Variants in SLC12A1 observed in about 807,000 individuals in gnomAD.
SLC12A1 encodes solute carrier family 12 member 1.
In SLC12A1, 89 loss-of-function variants were observed where a neutral mutation model predicts 130.4. The ratio of observed to expected loss-of-function variants is 0.68; its 90% CI spans 0.58 to 0.81. The LOEUF is 0.81. SLC12A1 is among the 40% of genes least tolerant of loss of function. The pLI, the probability that SLC12A1 is intolerant of heterozygous loss-of-function variation, is 0.00. For synonymous variants in SLC12A1, 499 were observed against 460.0 expected (o/e 1.08, Z -1.09); for missense variants, 1,310 against 1,336.4 (o/e 0.98, Z 0.31).
At chr15:48,254,620 AAAAAAAAAAAC>A (rs2041684079) in intron 15 of SLC12A1, among the ~76,000 whole-genome samples, 1 of 135,660 alleles carries the variant, frequency 7.4e-6, no homozygotes, top group African/African-American at 3.2e-5. Context: ...AAAAAAAAAA[AAAAAAAAAAAC>A]CCAAAAAAGA....
intron 20 of SLC12A1, among the ~76,000 whole-genome samples, chr15:48,279,651 C>T (rs1012498238): frequency 2.6e-5 from 4 of 152,176 alleles, no homozygotes; most frequent in Non-Finnish European, 4.4e-5. Context: ...ATACTGCTCA[C>T]TTCCCAGAGG....
chr15:48,267,681 G>A lies in SLC12A1; in HGVS notation c.2275G>A (p.Gly759Ser). The change falls in exon 18 of 27, where the codon GGT (glycine) becomes AGT (serine). Residue 759 changes from glycine to serine, a missense_variant. Transcript: ENST00000380993. ...AAVAADCFRD[G>S]VRSLLQASGL... Reference sequence around the variant, plus strand: ...AGTGGCGGCAGACTGTTTCAGGGATGGTGTCCGAAGTCTTCTTCAGGTAAG... The same window carrying A: ...AGTGGCGGCAGACTGTTTCAGGGATAGTGTCCGAAGTCTTCTTCAGGTAAG... The A allele has an allele frequency of 6.2e-7, 1 of 1,613,384 alleles. No individual in the cohort carries two copies. Among genetic ancestry groups the A allele is most frequent in the South Asian group, 1.1e-5 (1 of 91,048 alleles).
chr15:48,291,705 C>G lies in SLC12A1; in HGVS notation c.2874-73C>G, dbSNP rs1357176632. On this transcript the variant is annotated intron_variant, in intron 23 of 26. Transcript: ENST00000380993. ...GACGTGATTGCTTTTGATATCTTAA[C>G]TCAAACAAAAAACTCTTTGATTGAA... The G allele has an allele frequency of 3.2e-6, 3 of 945,638 alleles. No homozygotes were observed. In the South Asian group the frequency reaches 4.4e-5, roughly 14 times the overall value. The allele number at this position is 945,638 out of a possible 1,614,324, so 58.6% of individuals were successfully genotyped here. A position where few individuals can be genotyped will look rare whatever the true frequency, so the allele number is the denominator to read the frequency against.
chr15:48,278,560 T>C (rs1350047901), intron 20 of SLC12A1, among the ~76,000 whole-genome samples: 1 of 152,162 alleles, frequency 6.6e-6, no homozygotes, highest in African/African-American at 2.4e-5. Flanking sequence ...ATGTGTTCCT[T>C]AAGACACCCA....
At chr15:48,249,357 A>C (rs571803709) in intron 13 of SLC12A1, among the ~76,000 whole-genome samples, 1 of 152,010 alleles carries the variant, frequency 6.6e-6, no homozygotes, top group Non-Finnish European at 1.5e-5. Flanking sequence ...TCGATTGTCT[A>C]TTTTCTGATT....
Position 48,230,504 on chromosome 15 carries a change from G to A in SLC12A1, c.975+1G>A, listed in dbSNP as rs770400317. 1.0e-5 allele frequency: 16 copies of A among 1,589,710 alleles called. No individual in the cohort carries two copies. The South Asian group carries it at 1.7e-4, about 17-fold the overall frequency. On this transcript the variant is annotated splice_donor_variant, in intron 7 of 26. Coordinates refer to ENST00000380993, the MANE Select transcript of SLC12A1 (RefSeq NM_000338.3). LOFTEE classifies it high-confidence loss of function. ...AGCTGGAATGGAATGGGAGGCAAAG[G>A]TAAATTTCTCAAAAATGATATTATC...
intron 14 of SLC12A1, among the ~76,000 whole-genome samples, chr15:48,251,371 C>T (rs1438077806): frequency 2.0e-5 from 3 of 151,666 alleles, no homozygotes; most frequent in African/African-American, 7.3e-5. Flanking sequence ...ATGGAGGGTC[C>T]TGAATGGCAT....
Position 48,260,382 on chromosome 15 carries a change from A to ACACC in SLC12A1, c.2154+1072_2154+1073insACCC, listed in dbSNP as rs768468962. 4.1e-3 allele frequency among the ~76,000 whole-genome samples: 579 copies of ACACC among 142,956 alleles called. 8 individuals are homozygous for ACACC. The Middle Eastern group carries it at 0.046, about 11-fold the overall frequency. 93.8% of individuals were successfully genotyped at this position (142,956 alleles called of 152,430 possible). On this transcript the variant is annotated intron_variant, in intron 17 of 26. Coordinates refer to ENST00000380993, the MANE Select transcript of SLC12A1 (RefSeq NM_000338.3). The stretch of plus-strand genomic sequence containing the variant: ...CACACACACACACACACACACACAC[A>ACACC]CCACTGAAAATTCTCAGCTATCAAT...
rs370736114 is a variant in SLC12A1 at position 48,235,008 on chromosome 15, C to T, written c.1215+4C>T. On this transcript the variant is annotated splice_donor_region_variant and intron_variant, in intron 9 of 26. Transcript: ENST00000380993. Reference sequence around the variant, plus strand: ...CAATATCTCAGGAGATTTGGAGGTACGTTGTTTGCTCTGCTTTGCAGTCCT... The same window carrying T: ...CAATATCTCAGGAGATTTGGAGGTATGTTGTTTGCTCTGCTTTGCAGTCCT... 3.8e-5 allele frequency: 61 copies of T among 1,613,414 alleles called. No homozygotes were observed. The highest frequency in any genetic ancestry group is 4.9e-5 in the Non-Finnish European group (58 of 1,179,782).
At position 48,283,050 on chromosome 15, in the gene SLC12A1, C is replaced by A. The variant is rs547519999; in HGVS notation, c.2486-2056C>A. On this transcript the variant is annotated intron_variant, in intron 20 of 26. Transcript: ENST00000380993. The stretch of plus-strand genomic sequence containing the variant: ...TAAAATGCAACACAGTCCCTGGCAC[C>A]CAAAGAGTGTGCAATAAATAGCAAT... 2.0e-5 allele frequency among the ~76,000 whole-genome samples: 3 copies of A among 152,148 alleles called. No individual in the cohort carries two copies. In the South Asian group the frequency reaches 6.2e-4, roughly 32 times the overall value.
intron 17 of SLC12A1, among the ~76,000 whole-genome samples, chr15:48,265,521 AG>A (rs2041823248): frequency 6.6e-6 from 1 of 152,202 alleles, no homozygotes; most frequent in Non-Finnish European, 1.5e-5. Context: ...AAGAAGGACT[AG>A]TGATTCAAAA....
intron 24 of SLC12A1, among the ~76,000 whole-genome samples, chr15:48,292,274 A>G (rs1464881839): frequency 1.3e-5 from 2 of 152,098 alleles, no homozygotes; most frequent in East Asian, 1.9e-4. Context: ...AATAGCTTGT[A>G]TCTTCTTGGC....
chr15:48,246,241 G>A (rs1048500816), intron 11 of SLC12A1, among the ~76,000 whole-genome samples: 1 of 152,126 alleles, frequency 6.6e-6, no homozygotes, highest in Non-Finnish European at 1.5e-5. Context: ...GTTAATGGCT[G>A]TAAAAAAGAC....
intron 20 of SLC12A1, among the ~76,000 whole-genome samples, chr15:48,284,166 AG>A (rs1186794244): frequency 6.6e-6 from 1 of 152,220 alleles, no homozygotes; most frequent in East Asian, 1.9e-4. Flanking sequence ...ACAGGCACCC[AG>A]AAACCTCAGC....
At chr15:48,282,794 G>C (rs1210638200) in intron 20 of SLC12A1, among the ~76,000 whole-genome samples, 1 of 152,006 alleles carries the variant, frequency 6.6e-6, no homozygotes, top group African/African-American at 2.4e-5. Flanking sequence ...AGAGTGTTTA[G>C]GTTTATCTGA....
At chr15:48,288,544 G>T (rs368103811) in intron 23 of SLC12A1, 28 bp downstream of exon 23, 1 of 1,044,228 alleles carries the variant, frequency 9.6e-7, no homozygotes, top group Non-Finnish European at 1.5e-6. Context: ...CACATGTTAG[G>T]TCATTTCAGA....
Position 48,274,772 on chromosome 15 carries a change from A to C in SLC12A1, c.2485+119A>C, listed in dbSNP as rs182022925. ...AAAACTCCTTGACAGTGGAGCTTAC[A>C]TTCTAGTGCTACTCGTAGTGCATAT... On this transcript the variant is annotated intron_variant, in intron 20 of 26. Transcript: ENST00000380993. 2.9e-3 allele frequency: 1,814 copies of C among 625,408 alleles called. 40 individuals are homozygous for C. Among genetic ancestry groups the C allele is most frequent in the Non-Finnish European group, 4.0e-4 (142 of 355,748 alleles). 38.7% of individuals were successfully genotyped at this position (625,408 alleles called of 1,614,324 possible).
intron 16 of SLC12A1, among the ~76,000 whole-genome samples, chr15:48,258,636 T>C (rs944580928): frequency 7.2e-5 from 11 of 152,216 alleles, no homozygotes; most frequent in Admixed American, 7.2e-4. Context: ...GCCTGTTATA[T>C]CCAGTTCCAA....
intron 9 of SLC12A1, among the ~76,000 whole-genome samples, chr15:48,236,146 G>A (rs2141041916): frequency 6.6e-6 from 1 of 150,674 alleles, no homozygotes; most frequent in African/African-American, 2.4e-5. Flanking sequence ...CAAAGTAGAA[G>A]ACACAGGTTT....
Sources: gnomAD v4.1 joint callset for allele counts (sites outside exome capture counted in the v4.1 genomes callset) on GRCh38, gnomAD v4.1.1 for gene constraint, MANE v1.5 for transcripts, NCBI Gene and HGNC (gene_info 2026-07-23, HGNC 2026-07-21) for gene names.